Variants in PHACTR4 observed in about 807,000 individuals in gnomAD.
PHACTR4 encodes the protein phosphatase and actin regulator 4, also known as protein phosphatase 1, regulatory subunit 124.
PHACTR4 carries 51 observed loss-of-function variants against 72.7 expected under a neutral mutation model. The ratio of observed to expected loss-of-function variants is 0.70; its 90% CI spans 0.56 to 0.89. The LOEUF is 0.89. Ranked by LOEUF, PHACTR4 falls within the 40% of genes least tolerant of loss-of-function variation. PHACTR4 has a pLI of 0.00. For synonymous variants in PHACTR4, 255 were observed against 302.5 expected, an observed-to-expected ratio of 0.84 and a Z score of 1.63; for missense variants, 731 against 861.8, an observed-to-expected ratio of 0.85 and a Z score of 1.90.
chr1:28,425,621 GT>G (rs1655788608), intron 2 of PHACTR4, among the ~76,000 whole-genome samples: 1 of 152,138 alleles, frequency 6.6e-6, no homozygotes, highest in Non-Finnish European at 1.5e-5. Flanking sequence ...GAGATTTCTT[GT>G]TAGGAATTTC....
At chr1:28,413,198 G>T (rs1654896043) in intron 2 of PHACTR4, among the ~76,000 whole-genome samples, 1 of 152,228 alleles carries the variant, frequency 6.6e-6, no homozygotes, top group Non-Finnish European at 1.5e-5. Flanking sequence ...TATGTTCAAA[G>T]AAGAAATCCA....
In PHACTR4 at chr1:28,405,722, C is replaced by T. The variant is rs536548773; in HGVS notation, c.-38-1688C>T. ...CCTGGCCAACATGGTGAAACTCTGTCTCTACTAAAAATACAAAAATTAGCT... is the reference window on the plus strand; with the variant it reads ...CCTGGCCAACATGGTGAAACTCTGTTTCTACTAAAAATACAAAAATTAGCT... On this transcript the variant is annotated intron_variant, in intron 1 of 13. Coordinates refer to ENST00000373839, the MANE Select transcript of PHACTR4 (RefSeq NM_001048183.3). 2.1e-3 allele frequency among the ~76,000 whole-genome samples: 324 copies of T among 151,804 alleles called. 1 individual carries two copies. The highest frequency in any genetic ancestry group is 3.8e-3 in the Non-Finnish European group (259 of 67,926).
chr1:28,408,490 C>T (rs1019472308), intron 2 of PHACTR4, among the ~76,000 whole-genome samples: 2 of 152,014 alleles, frequency 1.3e-5, no homozygotes, highest in East Asian at 1.9e-4. Flanking sequence ...GCCTGGAAGG[C>T]GGAGGTTGCA....
chr1:28,485,943 G>A (rs931219549), intron 9 of PHACTR4, among the ~76,000 whole-genome samples: 1 of 151,928 alleles, frequency 6.6e-6, no homozygotes, highest in African/African-American at 2.4e-5. Context: ...TTAAAAGTCT[G>A]TTCAAAAGGT....
At chr1:28,381,074 T>C (rs1652125691) in intron 1 of PHACTR4, among the ~76,000 whole-genome samples, 1 of 151,356 alleles carries the variant, frequency 6.6e-6, no homozygotes, top group Admixed American at 6.6e-5. Flanking sequence ...AGTGGAGTGA[T>C]CTCGGCTCAC....
chr1:28,400,411 T>G (rs1653859498), intron 1 of PHACTR4, among the ~76,000 whole-genome samples: 1 of 151,396 alleles, frequency 6.6e-6, no homozygotes. Context: ...CTGGAGTTAA[T>G]TTCAGATGTA....
At chr1:28,418,666 T>C (rs1655282521) in intron 2 of PHACTR4, among the ~76,000 whole-genome samples, 1 of 152,024 alleles carries the variant, frequency 6.6e-6, no homozygotes, top group Non-Finnish European at 1.5e-5. Flanking sequence ...GGAGAAAATT[T>C]TAAGGCCAGG....
intron 2 of PHACTR4, among the ~76,000 whole-genome samples, chr1:28,418,485 A>G (rs1655266125): frequency 6.6e-6 from 1 of 152,110 alleles, no homozygotes; most frequent in Admixed American, 6.6e-5. Context: ...CATCTCAAAA[A>G]CAAAAAACAA....
At chr1:28,399,332 A>G (rs1416370879) in intron 1 of PHACTR4, among the ~76,000 whole-genome samples, 2 of 152,074 alleles carry the variant, frequency 1.3e-5, no homozygotes, top group African/African-American at 4.8e-5. Flanking sequence ...TATATGATGA[A>G]TAATTTTGTG....
chr1:28,460,333 C>G (rs770004629), intron 4 of PHACTR4, 41 bp downstream of exon 4: 2 of 1,408,476 alleles, frequency 1.4e-6, no homozygotes, highest in Admixed American at 1.8e-5. Context: ...TCTCTGTGCA[C>G]TTGGTCTTTG....
intron 2 of PHACTR4, among the ~76,000 whole-genome samples, chr1:28,413,913 C>G (rs1397446030): frequency 6.6e-6 from 1 of 152,136 alleles, no homozygotes; most frequent in Non-Finnish European, 1.5e-5. Context: ...TGAACATTCT[C>G]ATATCAGTAT....
In PHACTR4 at chr1:28,459,175, A is replaced by G. The variant is rs772329990; in HGVS notation, c.107A>G (p.Lys36Arg). The change falls in exon 3 of 14, where the codon AAG becomes AGG. Residue 36 changes from lysine to arginine, a missense_variant. This residue lies in a region of PHACTR4 where 621 missense variants were observed against 676.6 expected (regional missense o/e 0.92). Transcript: ENST00000373839. ...DTTPPTKRKS[K>R]FSGFGKIFKP... ...ACACCTCCTACCAAAAGGAAGAGCA[A>G]GTTCTCAGGCTTTGGCAAGATCTTC... 6.2e-7 allele frequency: 1 copy of G among 1,613,942 alleles called. No homozygotes were observed. Among genetic ancestry groups the G allele is most frequent in the South Asian group, 1.1e-5 (1 of 91,084 alleles).
intron 9 of PHACTR4, among the ~76,000 whole-genome samples, chr1:28,484,179 G>A (rs755175752): frequency 7.2e-5 from 11 of 152,082 alleles, no homozygotes; most frequent in South Asian, 2.1e-4. Context: ...AAATTAGCCA[G>A]GCGTGGTGGC....
chr1:28,399,131 G>A (rs1653755618), intron 1 of PHACTR4, among the ~76,000 whole-genome samples: 1 of 152,108 alleles, frequency 6.6e-6, no homozygotes, highest in Non-Finnish European at 1.5e-5. Context: ...GGCCAACATG[G>A]TGGAACCCCA....
chr1:28,476,787 T>TTTTTTTTTTTTTTTTTTTA (rs1659951822), intron 8 of PHACTR4, among the ~76,000 whole-genome samples: 2 of 143,586 alleles, frequency 1.4e-5, no homozygotes, highest in Admixed American at 6.9e-5. Flanking sequence ...TTTTTTTTTT[T>TTTTTTTTTTTTTTTTTTTA]GAGACGGAGT....
In PHACTR4 at chr1:28,473,755, C is replaced by T; in HGVS notation, c.1025C>T (p.Ser342Phe). Residue 342 changes from serine (S) to phenylalanine (F), a missense_variant, in exon 7 of 14, where the codon TCT (serine) becomes TTT (phenylalanine). Coordinates refer to ENST00000373839, the MANE Select transcript of PHACTR4 (RefSeq NM_001048183.3). ...CTACTACCAATGATCTCACCTCGCT[C>T]TCCGTCCCCCCCACTGCCTACTCAT... is the stretch of plus-strand genomic sequence containing the variant. Reference protein sequence around the residue: ...SELLPMISPRSPSPPLPTHIP... With the variant: ...SELLPMISPRFPSPPLPTHIP... 2 of 1,614,084 alleles carry T rather than the reference C, an allele frequency of 1.2e-6. No individual in the cohort carries two copies. The highest frequency in any genetic ancestry group is 1.7e-6 in the Non-Finnish European group (2 of 1,180,012).
At chr1:28,401,452 G>A (rs931363343) in intron 1 of PHACTR4, among the ~76,000 whole-genome samples, 1 of 151,600 alleles carries the variant, frequency 6.6e-6, no homozygotes, top group African/African-American at 2.4e-5. Context: ...GATTACAGGC[G>A]CCCGCCACCA....
chr1:28,456,981 T>TA (rs1349488545), intron 2 of PHACTR4, among the ~76,000 whole-genome samples: 1 of 152,160 alleles, frequency 6.6e-6, no homozygotes, highest in African/African-American at 2.4e-5. Context: ...TGTAAAGTGT[T>TA]AAAGTAATTG....
At position 28,496,708 on chromosome 1, in the gene PHACTR4, C is replaced by A; in HGVS notation, c.*159C>A. 1 of 835,740 alleles carries A rather than the reference C, an allele frequency of 1.2e-6. No homozygotes were observed. The allele number at this position is 835,740 out of a possible 1,614,324, so 51.8% of individuals were successfully genotyped here. A position where few individuals can be genotyped will look rare whatever the true frequency, so the allele number is the denominator to read the frequency against. Reference sequence around the variant, plus strand: ...CTTTGAATGTAGCATTTCACTGGAACAGAGTCTTATGTGCTGCACCGGGGG... The same window carrying A: ...CTTTGAATGTAGCATTTCACTGGAAAAGAGTCTTATGTGCTGCACCGGGGG... On this transcript the variant is annotated 3_prime_UTR_variant, in exon 14 of 14. Transcript: ENST00000373839.
Sources: allele counts gnomAD v4.1 joint callset (sites outside exome capture counted in the v4.1 genomes callset), GRCh38; gene constraint gnomAD v4.1.1; regional missense constraint gnomAD v4.1.1; transcripts MANE v1.5; gene names NCBI Gene and HGNC (gene_info 2026-07-23, HGNC 2026-07-21).